Variants in PIGV observed in about 807,000 individuals in gnomAD.
The protein encoded by PIGV is GPI alpha-1,6-mannosyltransferase 2.
In PIGV, 27 loss-of-function variants were observed where a neutral mutation model predicts 39.2. The ratio of observed to expected loss-of-function variants is 0.69; its 90% CI spans 0.51 to 0.95. The LOEUF (loss-of-function observed/expected upper bound fraction) is 0.95, where lower values mean the gene tolerates loss of function less well. Ranked by LOEUF, PIGV falls within the 40% of genes least tolerant of loss-of-function variation. PIGV has a pLI of 0.00. For synonymous variants in PIGV, 232 were observed against 241.7 expected (o/e 0.96, Z 0.37); for missense variants, 523 against 586.4 (o/e 0.89, Z 1.12).
At position 26,794,298 on chromosome 1, in the gene PIGV, T is replaced by A. The variant is rs2081350181; in HGVS notation, c.264T>A (p.Phe88Leu). Residue 88 changes from phenylalanine to leucine, a missense_variant, in exon 3 of 4, where the codon TTT becomes TTA. Physicochemically the swap from Phe to Leu is conservative, Grantham distance 22. Transcript: ENST00000674202. ...TGTATGAGCACAACTTTGCCTTCTT[T>A]CCTGGTTTCCCCTTGGCCCTGCTGG... Reference protein sequence around the residue: ...GYLYEHNFAFFPGFPLALLVG... With the variant: ...GYLYEHNFAFLPGFPLALLVG... The A allele has an allele frequency of 1.9e-6, 3 of 1,614,242 alleles. No individual in the cohort carries two copies. The highest frequency in any genetic ancestry group is 2.5e-6 in the Non-Finnish European group (3 of 1,180,036).
At chr1:26,795,255 G>C in intron 3 of PIGV, 21 bp downstream of exon 3, 1 of 1,612,802 alleles carries the variant, frequency 6.2e-7, no homozygotes, top group Non-Finnish European at 8.5e-7. Flanking sequence ...TTCCTGACTG[G>C]GATAAGGATG....
At chr1:26,789,275 A>T (rs2081280665) in intron 1 of PIGV, among the ~76,000 whole-genome samples, 1 of 152,238 alleles carries the variant, frequency 6.6e-6, no homozygotes, top group African/African-American at 2.4e-5. Context: ...TCGTGAGCCA[A>T]CCGGTGTGGA....
intron 2 of PIGV, 76 bp downstream of exon 2, chr1:26,790,969 C>G: frequency 8.4e-7 from 1 of 1,193,660 alleles, no homozygotes; most frequent in Non-Finnish European, 1.2e-6. Flanking sequence ...GTCCCCATCT[C>G]CTTTCCACCT....
chr1:26,795,210 T>C lies in PIGV; in HGVS notation c.1176T>C (p.Phe392=). 6.2e-7 allele frequency: 1 copy of C among 1,613,886 alleles called. No homozygotes were observed. The highest frequency in any genetic ancestry group is 2.2e-5 in the East Asian group (1 of 44,882). The change falls in exon 3 of 4, where the codon TTT becomes TTC. Residue 392 remains phenylalanine, a synonymous_variant. Transcript: ENST00000674202. ...YVVHAAVLLL[F]GGLCMHVQVL... ...TCCACGCTGCAGTGCTGCTGCTGTT[T>C]GGAGGTCTGTGCATGCATGTTCAGG...
chr1:26,792,149 G>T (rs1486525428), intron 2 of PIGV, among the ~76,000 whole-genome samples: 3 of 151,880 alleles, frequency 2.0e-5, no homozygotes, highest in Non-Finnish European at 4.4e-5. Flanking sequence ...ATCTAATAGG[G>T]CAAAAAGACT....
chr1:26,787,335 G>A (rs2081249662), upstream of PIGV: 1 of 152,148 alleles, frequency 6.6e-6, no homozygotes, highest in African/African-American at 2.4e-5. Flanking sequence ...GAGGTGAAAG[G>A]AGCCCTGGAG....
At position 26,798,857 on chromosome 1, in the gene PIGV, C is replaced by T. The variant is rs1360142894; in HGVS notation, c.*1013C>T. On this transcript the variant is annotated 3_prime_UTR_variant, in exon 4 of 4. Coordinates refer to ENST00000674202, the MANE Select transcript of PIGV (RefSeq NM_017837.4). ...CTGGATTCTAGTCCTCTCAGTAAAA[C>T]CCCATTTACCAGCCATGTGACTTGG... Among the ~76,000 whole-genome samples, 1 of 152,176 alleles carries T rather than the reference C, an allele frequency of 6.6e-6. No homozygotes were observed. The highest frequency in any genetic ancestry group is 1.5e-5 in the Non-Finnish European group (1 of 68,036).
chr1:26,794,100 C>G lies in PIGV; in HGVS notation c.79-13C>G, dbSNP rs1202285822. On this transcript the variant is annotated splice_polypyrimidine_tract_variant and intron_variant, in intron 2 of 3. Coordinates refer to ENST00000674202, the MANE Select transcript of PIGV (RefSeq NM_017837.4). The stretch of plus-strand genomic sequence containing the variant: ...TTACTCAACCAAAATTCTGGTTTTT[C>G]TTTACTCCACAGGCCCTCTTCAATG... 1.2e-6 allele frequency: 2 copies of G among 1,614,032 alleles called. No homozygotes were observed. Among genetic ancestry groups the G allele is most frequent in the Non-Finnish European group, 1.7e-6 (2 of 1,179,882 alleles).
chr1:26,793,520 G>A (rs376904008), intron 2 of PIGV, among the ~76,000 whole-genome samples: 185 of 152,256 alleles, frequency 1.2e-3, no homozygotes, highest in African/African-American at 4.1e-3. Context: ...CTCACTGACT[G>A]TTCCTTTTTT....
chr1:26,787,873 G>T (rs1336512653), upstream of PIGV: 1 of 152,304 alleles, frequency 6.6e-6, no homozygotes, highest in Non-Finnish European at 1.5e-5. Flanking sequence ...GAGTCAACAT[G>T]GCCGCCGCGC....
chr1:26,796,613 G>A (rs2081387922), intron 3 of PIGV, among the ~76,000 whole-genome samples: 1 of 152,198 alleles, frequency 6.6e-6, no homozygotes, highest in Non-Finnish European at 1.5e-5. Flanking sequence ...GAACATTCTA[G>A]GTAAAAGGAA....
chr1:26,794,599 G>A lies in PIGV; in HGVS notation c.565G>A (p.Val189Ile), dbSNP rs1251786702. ...CATGGGGCAGCTGGAGAGGGGCCGAGTCTGGACTAGTGTACTCCTCTTTGC... is the reference window on the plus strand; with the variant it reads ...CATGGGGCAGCTGGAGAGGGGCCGAATCTGGACTAGTGTACTCCTCTTTGC... ...SAMGQLERGRVWTSVLLFAFA... is the reference protein window; with the variant it reads ...SAMGQLERGRIWTSVLLFAFA... The change falls in exon 3 of 4, where the codon GTC (valine) becomes ATC (isoleucine). Residue 189 changes from valine (V) to isoleucine (I), a missense_variant. Coordinates refer to ENST00000674202, the MANE Select transcript of PIGV (RefSeq NM_017837.4). 1.2e-6 allele frequency: 2 copies of A among 1,614,244 alleles called. No individual in the cohort carries two copies. Among genetic ancestry groups the A allele is most frequent in the South Asian group, 1.1e-5 (1 of 91,086 alleles).
At chr1:26,793,272 T>C (rs531636704) in intron 2 of PIGV, among the ~76,000 whole-genome samples, 1 of 152,330 alleles carries the variant, frequency 6.6e-6, no homozygotes, top group Admixed American at 6.5e-5. Flanking sequence ...CTTCCCCTTA[T>C]GGCAAAACTC....
chr1:26,798,650 T>G lies in PIGV; in HGVS notation c.*806T>G, dbSNP rs1177204884. 1.3e-5 allele frequency among the ~76,000 whole-genome samples: 2 copies of G among 152,258 alleles called. No individual in the cohort carries two copies. Among genetic ancestry groups the G allele is most frequent in the Non-Finnish European group, 2.9e-5 (2 of 68,044 alleles). ...TGAACTTGGAAGGCGGAGGTTTCAG[T>G]GAGCTGAGTTTGCGCCACTGCGCTC... On this transcript the variant is annotated 3_prime_UTR_variant, in exon 4 of 4. Transcript: ENST00000674202.
chr1:26,798,076 G>A lies in PIGV; in HGVS notation c.*232G>A. ...ACTATTTTCTCTGTAAGTGAAGATTGTCGTATTCCAAGTCTAAAATACACC... is the reference window on the plus strand; with the variant it reads ...ACTATTTTCTCTGTAAGTGAAGATTATCGTATTCCAAGTCTAAAATACACC... On this transcript the variant is annotated 3_prime_UTR_variant, in exon 4 of 4. Transcript: ENST00000674202. 1.8e-6 allele frequency: 1 copy of A among 554,962 alleles called. No homozygotes were observed. 34.4% of individuals were successfully genotyped at this position (554,962 alleles called of 1,614,324 possible).
chr1:26,794,285 A>G lies in PIGV; in HGVS notation c.251A>G (p.Asn84Ser), dbSNP rs1389268067. 4.3e-6 allele frequency: 7 copies of G among 1,614,210 alleles called. No homozygotes were observed. The highest frequency in any genetic ancestry group is 1.1e-5 in the South Asian group (1 of 91,084). The change falls in exon 3 of 4, where the codon AAC (asparagine) becomes AGC (serine). Residue 84 changes from asparagine (N) to serine (S), a missense_variant. Asn to Ser is a conservative substitution (Grantham distance 46). Coordinates refer to ENST00000674202, the MANE Select transcript of PIGV (RefSeq NM_017837.4). ...GAGCATGGCTACCTGTATGAGCACA[A>G]CTTTGCCTTCTTTCCTGGTTTCCCC... ...IAEHGYLYEH[N>S]FAFFPGFPLA...
Position 26,799,044 on chromosome 1 carries a change from G to A in PIGV, c.*1200G>A, listed in dbSNP as rs570030634. Among the ~76,000 whole-genome samples, 177 of 152,212 alleles carry A rather than the reference G, an allele frequency of 1.2e-3. No individual in the cohort carries two copies. The highest frequency in any genetic ancestry group is 2.1e-3 in the Non-Finnish European group (146 of 68,030). ...GAATCACCCCAGTCTAAATGCTAAT[G>A]TAGAGGCTTAAATGTGTGATTTTAG... On this transcript the variant is annotated 3_prime_UTR_variant, in exon 4 of 4. Transcript: ENST00000674202.
intron 1 of PIGV, among the ~76,000 whole-genome samples, chr1:26,789,476 G>A (rs1175615764): frequency 1.3e-5 from 2 of 152,150 alleles, no homozygotes; most frequent in Non-Finnish European, 1.5e-5. Context: ...AGAATACTTG[G>A]GGCACTGATT....
At position 26,799,105 on chromosome 1, in the gene PIGV, G is replaced by C. The variant is rs2081422915; in HGVS notation, c.*1261G>C. 6.6e-6 allele frequency among the ~76,000 whole-genome samples: 1 copy of C among 152,198 alleles called. No individual in the cohort carries two copies. The highest frequency in any genetic ancestry group is 2.1e-4 in the South Asian group (1 of 4,826). The stretch of plus-strand genomic sequence containing the variant: ...CCAGTTCTCCTGTTTTCAGCAATTA[G>C]AAGAAACTCCTCCTCCACCGAGTGC... On this transcript the variant is annotated 3_prime_UTR_variant, in exon 4 of 4. Coordinates refer to ENST00000674202, the MANE Select transcript of PIGV (RefSeq NM_017837.4).
Sources: gnomAD v4.1 joint callset for allele counts (sites outside exome capture counted in the v4.1 genomes callset) on GRCh38, gnomAD v4.1.1 for gene constraint, MANE v1.5 for transcripts, NCBI Gene and HGNC (gene_info 2026-07-23, HGNC 2026-07-21) for gene names.